RGS8: variants seen among roughly 807,000 people sequenced by gnomAD.
RGS8 encodes regulator of G protein signaling 8.
In RGS8, 8 loss-of-function variants were observed where a neutral mutation model predicts 21.7. That is an observed-to-expected ratio of 0.37 (90% confidence interval 0.22 to 0.66). RGS8 has a LOEUF of 0.66. Ranked by LOEUF, RGS8 falls within the 30% of genes least tolerant of loss-of-function variation. The pLI is 0.59. For missense variants in RGS8, 157 were observed against 217.9 expected (o/e 0.72, Z 1.76); for synonymous variants, 80 against 83.6 (o/e 0.96, Z 0.24).
chr1:182,721,455 C>T, the RGS8 span, among the ~76,000 whole-genome samples: 5 of 152,136 alleles, frequency 3.3e-5, no homozygotes, highest in African/African-American at 4.8e-5. Flanking sequence ...GCTTTGTTCT[C>T]GGCAAAATTT....
At chr1:182,664,294 A>C (rs1275860123) in intron 5 of RGS8, among the ~76,000 whole-genome samples, 1 of 152,100 alleles carries the variant, frequency 6.6e-6, no homozygotes, top group East Asian at 1.9e-4. Flanking sequence ...TAAAAAAAAA[A>C]CCCACCATAT....
intron 5 of RGS8, among the ~76,000 whole-genome samples, chr1:182,652,119 A>G (rs1409225527): frequency 6.6e-6 from 1 of 152,218 alleles, no homozygotes; most frequent in African/African-American, 2.4e-5. Flanking sequence ...TGGAAAAGCA[A>G]CTCAGAAGAG....
At chr1:182,747,989 C>CT in the RGS8 span, among the ~76,000 whole-genome samples, 3 of 151,502 alleles carry the variant, frequency 2.0e-5, no homozygotes, top group Non-Finnish European at 4.4e-5. Context: ...TAAAAGTTTG[C>CT]TTTTTTTAAA....
chr1:182,721,781 G>A, the RGS8 span, among the ~76,000 whole-genome samples: 2 of 152,204 alleles, frequency 1.3e-5, no homozygotes, highest in African/African-American at 4.8e-5. Flanking sequence ...ACATGAAAAT[G>A]AGCAGCACTG....
the RGS8 span, among the ~76,000 whole-genome samples, chr1:182,720,937 A>G: frequency 2.8e-5 from 2 of 72,258 alleles, no homozygotes; most frequent in East Asian, 7.5e-4. Flanking sequence ...ACATATATAC[A>G]TATATATACA....
chr1:182,668,819 C>T (rs146150111), intron 3 of RGS8, among the ~76,000 whole-genome samples: 4 of 152,354 alleles, frequency 2.6e-5, no homozygotes, highest in Non-Finnish European at 5.9e-5. Flanking sequence ...TGACAGCACG[C>T]CTTGCGAGCA....
chr1:182,672,782 G>C (rs767666642), upstream of RGS8: 1 of 1,612,972 alleles, frequency 6.2e-7, no homozygotes, highest in East Asian at 2.2e-5. Flanking sequence ...CTATTTTTCT[G>C]TCTTTTCCAT....
At chr1:182,723,031 C>G in the RGS8 span, among the ~76,000 whole-genome samples, 1 of 151,618 alleles carries the variant, frequency 6.6e-6, no homozygotes, top group Non-Finnish European at 1.5e-5. Flanking sequence ...AATAAAGATG[C>G]CAGTCACTGG....
chr1:182,711,453 C>T, the RGS8 span, among the ~76,000 whole-genome samples: 4 of 152,188 alleles, frequency 2.6e-5, no homozygotes, highest in African/African-American at 9.7e-5. Context: ...GTTTGATCTC[C>T]TTAAGCTGGG....
the RGS8 span, among the ~76,000 whole-genome samples, chr1:182,705,338 T>A: frequency 6.6e-6 from 1 of 152,292 alleles, no homozygotes; most frequent in African/African-American, 2.4e-5. Context: ...TTCCTCTGCC[T>A]TTTTATTCTA....
the RGS8 span, among the ~76,000 whole-genome samples, chr1:182,727,783 T>C: frequency 1.3e-5 from 2 of 152,182 alleles, no homozygotes; most frequent in Non-Finnish European, 2.9e-5. Context: ...TTATGCATAT[T>C]AATCTGCATT....
chr1:182,670,683 C>T (rs1023416720), intron 2 of RGS8, among the ~76,000 whole-genome samples: 11 of 152,032 alleles, frequency 7.2e-5, no homozygotes, highest in African/African-American at 1.2e-4. Context: ...TATATTACCG[C>T]GACTATTTCA....
At chr1:182,740,536 T>TTTTG in the RGS8 span, among the ~76,000 whole-genome samples, 38 of 96,434 alleles carry the variant, frequency 3.9e-4, no homozygotes, top group Admixed American at 1.1e-3. Flanking sequence ...ATGTTGTTTT[T>TTTTG]TTTGTTTGTT....
At chr1:182,716,806 G>A in the RGS8 span, among the ~76,000 whole-genome samples, 2 of 151,920 alleles carry the variant, frequency 1.3e-5, no homozygotes, top group Admixed American at 6.6e-5. Flanking sequence ...CATCATCCAA[G>A]GTCAAATACA....
intron 1 of RGS8, among the ~76,000 whole-genome samples, chr1:182,683,931 G>A (rs1664622836): frequency 6.6e-6 from 1 of 152,150 alleles, no homozygotes; most frequent in African/African-American, 2.4e-5. Context: ...AACAACAGCA[G>A]AAAAAGACAT....
the RGS8 span, among the ~76,000 whole-genome samples, chr1:182,738,602 T>C: frequency 6.6e-6 from 1 of 152,236 alleles, no homozygotes; most frequent in African/African-American, 2.4e-5. Context: ...ATGCCAGGTA[T>C]ACTCTGGGTA....
At chr1:182,717,952 T>C in the RGS8 span, among the ~76,000 whole-genome samples, 1 of 152,206 alleles carries the variant, frequency 6.6e-6, no homozygotes, top group Non-Finnish European at 1.5e-5. Context: ...GTAACCCAAT[T>C]ATCCTAATGG....
At chr1:182,744,461 C>T in the RGS8 span, among the ~76,000 whole-genome samples, 1 of 152,112 alleles carries the variant, frequency 6.6e-6, no homozygotes, top group East Asian at 1.9e-4. Context: ...AGTCATGTGC[C>T]ACATAATAAA....
At chr1:182,683,769 T>C (rs1664618008) in intron 1 of RGS8, among the ~76,000 whole-genome samples, 1 of 152,192 alleles carries the variant, frequency 6.6e-6, no homozygotes, top group Non-Finnish European at 1.5e-5. Context: ...CCTCCAATTT[T>C]AATCTCCCTC....
Sources: allele counts gnomAD v4.1 joint callset (sites outside exome capture counted in the v4.1 genomes callset), GRCh38; gene constraint gnomAD v4.1.1; transcripts MANE v1.5; gene names NCBI Gene and HGNC (gene_info 2026-07-23, HGNC 2026-07-21).